The following NKAIN2 variants were observed in gnomAD, a reference collection of about 807,000 sequenced individuals.
NKAIN2 encodes sodium/potassium transporting ATPase interacting 2, also known as sodium/potassium-transporting ATPase subunit beta-1-interacting protein 2.
NKAIN2 carries 14 observed loss-of-function variants against 32.6 expected under a neutral mutation model. That is an observed-to-expected ratio of 0.43 (90% CI 0.28 to 0.67). The LOEUF (loss-of-function observed/expected upper bound fraction) is 0.67, where lower values mean the gene tolerates loss of function less well. Among genes scored for constraint, NKAIN2 ranks in the 30% least tolerant of loss-of-function variants. The pLI is 0.17. For synonymous variants in NKAIN2, 80 were observed against 87.2 expected (o/e 0.92, Z 0.46); for missense variants, 198 against 258.3 (o/e 0.77, Z 1.60).
chr6:124,010,157 G>A (rs1780260285), intron 1 of NKAIN2, among the ~76,000 whole-genome samples: 1 of 151,960 alleles, frequency 6.6e-6, no homozygotes, highest in South Asian at 2.1e-4. Flanking sequence ...TCTGATCCAG[G>A]GTGGACCACT....
chr6:123,890,963 T>C (rs978588533), intron 1 of NKAIN2, among the ~76,000 whole-genome samples: 1 of 152,092 alleles, frequency 6.6e-6, no homozygotes, highest in African/African-American at 2.4e-5. Flanking sequence ...AGATGATGGA[T>C]GGACAAACAA....
chr6:124,594,579 A>G (rs1782017972), intron 3 of NKAIN2, among the ~76,000 whole-genome samples: 1 of 152,212 alleles, frequency 6.6e-6, no homozygotes, highest in Admixed American at 6.5e-5. Context: ...CCTGACTTAC[A>G]GGTGTGACAT....
At chr6:124,566,832 A>T (rs1780933364) in intron 3 of NKAIN2, among the ~76,000 whole-genome samples, 1 of 152,180 alleles carries the variant, frequency 6.6e-6, no homozygotes, top group Non-Finnish European at 1.5e-5. Flanking sequence ...CTTCCAAGAA[A>T]TGTGTATACT....
At chr6:123,920,838 A>G (rs1254003154) in intron 1 of NKAIN2, among the ~76,000 whole-genome samples, 1 of 152,192 alleles carries the variant, frequency 6.6e-6, no homozygotes, top group Non-Finnish European at 1.5e-5. Flanking sequence ...TTATCTTCAT[A>G]AGTCAAAAAG....
chr6:124,000,523 A>C (rs947655305), intron 1 of NKAIN2, among the ~76,000 whole-genome samples: 3 of 152,082 alleles, frequency 2.0e-5, no homozygotes, highest in African/African-American at 7.2e-5. Flanking sequence ...AACAATATAA[A>C]TTTCATGAAG....
chr6:124,194,914 G>A (rs1790239801), intron 1 of NKAIN2, among the ~76,000 whole-genome samples: 1 of 151,230 alleles, frequency 6.6e-6, no homozygotes, highest in Admixed American at 6.6e-5. Flanking sequence ...ATGCCTGTAA[G>A]TCATTGAGAA....
intron 4 of NKAIN2, among the ~76,000 whole-genome samples, chr6:124,684,042 A>C (rs1321248451): frequency 6.6e-6 from 1 of 152,204 alleles, no homozygotes; most frequent in Non-Finnish European, 1.5e-5. Context: ...TCATAAAATT[A>C]ATTCTTTCTT....
intron 3 of NKAIN2, among the ~76,000 whole-genome samples, chr6:124,522,027 G>GC (rs1779136274): frequency 6.6e-6 from 1 of 151,886 alleles, no homozygotes; most frequent in Non-Finnish European, 1.5e-5. Flanking sequence ...TAACCCTACC[G>GC]GGTATTTGAA....
At chr6:123,840,616 A>G (rs1774829907) in intron 1 of NKAIN2, among the ~76,000 whole-genome samples, 1 of 152,154 alleles carries the variant, frequency 6.6e-6, no homozygotes, top group Non-Finnish European at 1.5e-5. Context: ...ATGGATGTCA[A>G]ACATCTAAGA....
rs934692008 is a variant in NKAIN2, at chr6:124,762,413, G to A, written c.475-28926G>A. 1.2e-4 allele frequency among the ~76,000 whole-genome samples: 18 copies of A among 152,102 alleles called. 1 individual carries two copies. The highest frequency in any genetic ancestry group is 1.1e-3 in the Admixed American group (17 of 15,268). ...ACCTCTAAATATAGTCATATTCTGA[G>A]GTACTGGGCTGAGGGCTTCCACATT... On this transcript the variant is annotated intron_variant, in intron 4 of 6. Transcript: ENST00000368417.
chr6:123,981,561 G>A (rs755893537), intron 1 of NKAIN2, among the ~76,000 whole-genome samples: 74 of 152,090 alleles, frequency 4.9e-4, no homozygotes, highest in Non-Finnish European at 9.6e-4. Context: ...CAAGCTTAAT[G>A]TTCTCAAAGA....
intron 3 of NKAIN2, among the ~76,000 whole-genome samples, chr6:124,409,795 A>G (rs1014539231): frequency 6.6e-6 from 1 of 152,218 alleles, no homozygotes; most frequent in Admixed American, 6.5e-5. Flanking sequence ...TACCTATGGT[A>G]GAATTCGGCT....
chr6:123,915,188 T>C (rs773342879), intron 1 of NKAIN2, among the ~76,000 whole-genome samples: 1 of 152,192 alleles, frequency 6.6e-6, no homozygotes, highest in Non-Finnish European at 1.5e-5. Flanking sequence ...AAATCTGATA[T>C]GCACCAAATC....
At position 124,824,077 on chromosome 6, in the gene NKAIN2, G is replaced by A. The variant is rs1781499840; in HGVS notation, c.*848G>A. 1 of 152,224 alleles carries A rather than the reference G, an allele frequency of 6.6e-6. No individual in the cohort carries two copies. Among genetic ancestry groups the A allele is most frequent in the Admixed American group, 6.5e-5 (1 of 15,272 alleles). 9.4% of individuals were successfully genotyped at this position (152,224 alleles called of 1,614,324 possible). On this transcript the variant is annotated 3_prime_UTR_variant, in exon 7 of 7. Coordinates refer to ENST00000368417, the MANE Select transcript of NKAIN2 (RefSeq NM_001040214.3). ...AAAATATGGTCTTCTGATGGGGTTGGGGGTGGGACAGAGTAAAACATTAAT... is the reference window on the plus strand; with the variant it reads ...AAAATATGGTCTTCTGATGGGGTTGAGGGTGGGACAGAGTAAAACATTAAT...
At chr6:124,301,977 G>A (rs1583017224) in intron 2 of NKAIN2, among the ~76,000 whole-genome samples, 1 of 152,114 alleles carries the variant, frequency 6.6e-6, no homozygotes, top group Non-Finnish European at 1.5e-5. Context: ...GGGCTGGGGT[G>A]GAATGATATG....
At chr6:124,408,457 C>A (rs1773977978) in intron 3 of NKAIN2, among the ~76,000 whole-genome samples, 1 of 152,264 alleles carries the variant, frequency 6.6e-6, no homozygotes, top group South Asian at 2.1e-4. Context: ...ATAGGGAATC[C>A]TTTCCCCATT....
intron 3 of NKAIN2, among the ~76,000 whole-genome samples, chr6:124,550,689 T>A (rs936348280): frequency 1.3e-5 from 2 of 152,176 alleles, no homozygotes; most frequent in Non-Finnish European, 2.9e-5. Flanking sequence ...GTGATGCTTT[T>A]AGGAACACAG....
intron 1 of NKAIN2, among the ~76,000 whole-genome samples, chr6:124,135,293 GTAAATGGCC>G (rs1786701324): frequency 6.6e-6 from 1 of 151,758 alleles, no homozygotes; most frequent in African/African-American, 2.4e-5. Context: ...AATATTTAAT[GTAAATGGCC>G]TAAATGCTCC....
chr6:123,891,332 T>C (rs2114373306), intron 1 of NKAIN2, among the ~76,000 whole-genome samples: 1 of 152,306 alleles, frequency 6.6e-6, no homozygotes, highest in South Asian at 2.1e-4. Flanking sequence ...GTTAAGATGG[T>C]ATATCTTACG....
Sources: allele counts gnomAD v4.1 joint callset (sites outside exome capture counted in the v4.1 genomes callset), GRCh38; gene constraint gnomAD v4.1.1; transcripts MANE v1.5; gene names NCBI Gene and HGNC (gene_info 2026-07-23, HGNC 2026-07-21).